Variants in SLC35F3 observed in about 807,000 individuals in gnomAD.
The protein encoded by SLC35F3 is putative thiamine transporter SLC35F3.
SLC35F3 carries 25 observed loss-of-function variants against 49.9 expected under a neutral mutation model. That is an observed-to-expected ratio of 0.50 (90% confidence interval 0.37 to 0.70). The LOEUF is 0.70. Ranked by LOEUF, SLC35F3 falls within the 30% of genes least tolerant of loss-of-function variation. The pLI is 0.00. For synonymous variants in SLC35F3, 275 were observed against 265.4 expected (o/e 1.04, Z -0.35); for missense variants, 525 against 639.8 (o/e 0.82, Z 1.94).
At chr1:233,987,062 G>A (rs749523606) in intron 2 of SLC35F3, among the ~76,000 whole-genome samples, 12 of 152,112 alleles carry the variant, frequency 7.9e-5, no homozygotes, top group Admixed American at 2.0e-4. Context: ...TGAGGCAGGC[G>A]GATCACCTGA....
intron 2 of SLC35F3, among the ~76,000 whole-genome samples, chr1:233,983,349 G>A (rs1315137131): frequency 6.6e-6 from 1 of 152,072 alleles, no homozygotes; most frequent in Non-Finnish European, 1.5e-5. Flanking sequence ...TATTATAGGA[G>A]GAAGGTGGTA....
At chr1:233,935,189 C>CTTTTT (rs35418747) in intron 2 of SLC35F3, among the ~76,000 whole-genome samples, 3,822 of 50,120 alleles carry the variant, frequency 0.076, 1,135 homozygotes, top group East Asian at 0.17. Context: ...TTTCCTTGCC[C>CTTTTT]TTTTTTTTTT....
intron 3 of SLC35F3, among the ~76,000 whole-genome samples, chr1:234,255,972 A>G (rs1459229121): frequency 4.6e-5 from 7 of 152,344 alleles, no homozygotes; most frequent in African/African-American, 1.7e-4. Flanking sequence ...ATAATAAAAA[A>G]TCATGACTGG....
intron 2 of SLC35F3, among the ~76,000 whole-genome samples, chr1:234,156,638 CAT>C (rs1231590015): frequency 1.3e-5 from 2 of 152,072 alleles, no homozygotes; most frequent in African/African-American, 2.4e-5. Flanking sequence ...GAAATGAAAA[CAT>C]ATACCCACAA....
chr1:233,919,968 C>T (rs552272243), intron 2 of SLC35F3, among the ~76,000 whole-genome samples: 20 of 152,304 alleles, frequency 1.3e-4, no homozygotes, highest in South Asian at 6.2e-4. Flanking sequence ...ATTTGCCTTC[C>T]GCTGCTTAGA....
At chr1:234,139,674 G>A (rs1418397781) in intron 2 of SLC35F3, among the ~76,000 whole-genome samples, 6 of 152,108 alleles carry the variant, frequency 3.9e-5, no homozygotes, top group Non-Finnish European at 8.8e-5. Context: ...ACTTGGCCCG[G>A]TGCGGTGTCT....
intron 3 of SLC35F3, among the ~76,000 whole-genome samples, chr1:234,272,783 G>A (rs1484313060): frequency 1.3e-5 from 2 of 152,078 alleles, no homozygotes; most frequent in East Asian, 3.9e-4. Flanking sequence ...GTGCTGCCTG[G>A]TTCCACATGT....
rs190671286 is a variant in SLC35F3, at chr1:234,272,980, G to A, written c.609-36121G>A. 7.2e-4 allele frequency among the ~76,000 whole-genome samples: 110 copies of A among 152,286 alleles called. 1 individual carries two copies. Among genetic ancestry groups the A allele is most frequent in the African/African-American group, 2.5e-3 (105 of 41,558 alleles). ...CAGCCCCTGGGGGCTTTACTAATGAGGCTACATGAACTGCCTCTCTGGTCG... is the reference window on the plus strand; with the variant it reads ...CAGCCCCTGGGGGCTTTACTAATGAAGCTACATGAACTGCCTCTCTGGTCG... On this transcript the variant is annotated intron_variant, in intron 3 of 7. Transcript: ENST00000366618.
In SLC35F3 at chr1:234,116,414, G is replaced by A. The variant is rs1221736284; in HGVS notation, c.284-115003G>A. Among the ~76,000 whole-genome samples the A allele has an allele frequency of 3.8e-4, 58 of 152,118 alleles. 1 individual carries two copies. Among genetic ancestry groups the A allele is most frequent in the Admixed American group, 3.7e-3 (57 of 15,274 alleles). On this transcript the variant is annotated intron_variant, in intron 2 of 7. Coordinates refer to ENST00000366618, the MANE Select transcript of SLC35F3 (RefSeq NM_173508.4). ...TCTTATTAAGTCACAAGACCACAGG[G>A]CTATGTTATTATCATTATTTATTTT...
intron 2 of SLC35F3, among the ~76,000 whole-genome samples, chr1:234,145,607 T>G (rs1026136530): frequency 6.6e-6 from 1 of 152,204 alleles, no homozygotes; most frequent in African/African-American, 2.4e-5. Context: ...ATATTGAACC[T>G]GTATAGACTT....
chr1:234,064,529 A>G (rs1572037874), intron 2 of SLC35F3, among the ~76,000 whole-genome samples: 1 of 152,270 alleles, frequency 6.6e-6, no homozygotes, highest in African/African-American at 2.4e-5. Flanking sequence ...TTCGGCTGTC[A>G]CATAACACAA....
intron 3 of SLC35F3, among the ~76,000 whole-genome samples, chr1:234,303,726 A>G (rs1417626293): frequency 6.6e-6 from 1 of 152,114 alleles, no homozygotes; most frequent in Non-Finnish European, 1.5e-5. Flanking sequence ...ACAATTTCCT[A>G]TTTCTTGACC....
At chr1:234,093,731 A>C (rs1404487588) in intron 2 of SLC35F3, among the ~76,000 whole-genome samples, 1 of 152,254 alleles carries the variant, frequency 6.6e-6, no homozygotes, top group Non-Finnish European at 1.5e-5. Flanking sequence ...TTCTCTGCCC[A>C]GCTCCAAAGG....
At position 234,046,168 on chromosome 1, in the gene SLC35F3, G is replaced by A. The variant is rs1364977895; in HGVS notation, c.283+140410G>A. Among the ~76,000 whole-genome samples, 2 of 152,066 alleles carry A rather than the reference G, an allele frequency of 1.3e-5. No individual in the cohort carries two copies. Among genetic ancestry groups the A allele is most frequent in the East Asian group, 3.8e-4 (2 of 5,200 alleles). On this transcript the variant is annotated intron_variant, in intron 2 of 7. Transcript: ENST00000366618. This position sits in a 1 kb window ranked among gnomAD's most constrained non-coding sequence, Gnocchi z 4.4. ...TGTGTACAGCAAAGTAAAATTGTGA[G>A]GTCAGAGTTATGAGCATATTTGGCT...
chr1:233,952,800 C>T (rs113911809), intron 2 of SLC35F3, among the ~76,000 whole-genome samples: 32 of 152,278 alleles, frequency 2.1e-4, no homozygotes, highest in African/African-American at 6.5e-4. Context: ...ACCATTGACA[C>T]GGGTAGGCTT....
intron 2 of SLC35F3, among the ~76,000 whole-genome samples, chr1:234,047,762 T>G (rs925004854): frequency 5.9e-5 from 9 of 152,062 alleles, no homozygotes; most frequent in Non-Finnish European, 1.2e-4. Flanking sequence ...TTGGTGGAGA[T>G]GGGGTGGTTG....
At chr1:234,239,851 G>A (rs1667527108) in intron 3 of SLC35F3, among the ~76,000 whole-genome samples, 1 of 152,170 alleles carries the variant, frequency 6.6e-6, no homozygotes, top group Non-Finnish European at 1.5e-5. Flanking sequence ...TCAACTGAAA[G>A]CTCTTAGTCT....
intron 3 of SLC35F3, among the ~76,000 whole-genome samples, chr1:234,249,857 CAATGTTAGT>C (rs1403547101): frequency 6.6e-6 from 1 of 152,224 alleles, no homozygotes; most frequent in Non-Finnish European, 1.5e-5. Flanking sequence ...GTGTTCCACA[CAATGTTAGT>C]AATGCACCAT....
chr1:234,060,758 C>G (rs985878705), intron 2 of SLC35F3, among the ~76,000 whole-genome samples: 2 of 152,094 alleles, frequency 1.3e-5, no homozygotes, highest in African/African-American at 4.8e-5. Flanking sequence ...CACCCTACTC[C>G]TATTTATTTT....
Sources: allele counts gnomAD v4.1 joint callset (sites outside exome capture counted in the v4.1 genomes callset), GRCh38; gene constraint gnomAD v4.1.1; non-coding constraint Gnocchi (gnomAD v3.1); transcripts MANE v1.5; gene names NCBI Gene and HGNC (gene_info 2026-07-23, HGNC 2026-07-21).